The following RUNX3 variants were observed in gnomAD, a reference collection of about 807,000 sequenced individuals.
RUNX3 encodes the protein runt-related transcription factor 3.
Under a neutral mutation model 27.7 loss-of-function variants are expected in RUNX3, and 10 were observed. The ratio of observed to expected loss-of-function variants is 0.36; its 90% CI spans 0.22 to 0.61. The LOEUF is 0.61. RUNX3 is among the 20% of genes least tolerant of loss of function. The pLI is 0.72. For synonymous variants in RUNX3, 270 were observed against 269.2 expected, an observed-to-expected ratio of 1.00 and a Z score of -0.03; for missense variants, 469 against 629.5, an observed-to-expected ratio of 0.75 and a Z score of 2.73.
intron 2 of RUNX3, among the ~76,000 whole-genome samples, chr1:24,958,515 T>G (rs1642009627): frequency 6.6e-6 from 1 of 152,152 alleles, no homozygotes; most frequent in South Asian, 2.1e-4. Flanking sequence ...TCCTTGTTCT[T>G]GTGACTTCTC....
At chr1:24,955,071 C>T (rs1038893710) in intron 2 of RUNX3, among the ~76,000 whole-genome samples, 9 of 152,184 alleles carry the variant, frequency 5.9e-5, no homozygotes, top group Non-Finnish European at 1.2e-4. Flanking sequence ...GATCCTTCTT[C>T]CATACCTTTG....
At chr1:24,903,798 C>T (rs1302016011) in intron 4 of RUNX3, among the ~76,000 whole-genome samples, 7 of 152,190 alleles carry the variant, frequency 4.6e-5, no homozygotes, top group South Asian at 2.1e-4. Context: ...CTTCTGGAGC[C>T]GGACAGTTAT....
upstream of RUNX3, among the ~76,000 whole-genome samples, chr1:24,932,735 G>A (rs1309848758): frequency 1.3e-5 from 2 of 152,152 alleles, no homozygotes; most frequent in Non-Finnish European, 2.9e-5. Context: ...TCTGTTTGAT[G>A]GGAGGGAGAA....
chr1:24,902,514 C>A lies in RUNX3; in HGVS notation c.856G>T (p.Gly286Cys), dbSNP rs1287819421. ...ACGCTGAGGCTGCTGATGCTCGTGC[C>A]CGAGGGCGTGGCGCTGTAGGGGAAG... ...AAFPYSATPSGTSISSLSVAG... is the reference protein window; with the variant it reads ...AAFPYSATPSCTSISSLSVAG... The change falls in exon 5 of 5, where the codon GGC becomes TGC. Residue 286 changes from glycine to cysteine, a missense_variant. Coordinates refer to ENST00000308873, the MANE Select transcript of RUNX3 (RefSeq NM_004350.3). This position sits in a 1 kb window ranked among gnomAD's most constrained non-coding sequence, Gnocchi z 9.2. 2.5e-6 allele frequency: 4 copies of A among 1,598,010 alleles called. No individual in the cohort carries two copies. In the East Asian group the frequency reaches 9.0e-5, roughly 36 times the overall value.
chr1:24,902,235 G>A lies in RUNX3; in HGVS notation c.1135C>T (p.Pro379Ser), dbSNP rs781120958. Residue 379 changes from proline to serine, a missense_variant, in exon 5 of 5, where the codon CCC becomes TCC. Physicochemically the swap from Pro to Ser is moderately conservative, Grantham distance 74 (BLOSUM62 -1). Coordinates refer to ENST00000308873, the MANE Select transcript of RUNX3 (RefSeq NM_004350.3). This position sits in a 1 kb window ranked among gnomAD's most constrained non-coding sequence, Gnocchi z 9.2. The part of the protein sequence containing the change: ...ASVAAGNLMN[P>S]SLGGQSDGVE... ...CCATCACTCTGGCCGCCCAGGCTGG[G>A]GTTCATGAGGTTGCCGGCGGCGACA... is the stretch of plus-strand genomic sequence containing the variant. 1 of 1,578,104 alleles carries A rather than the reference G, an allele frequency of 6.3e-7. No individual in the cohort carries two copies. The highest frequency in any genetic ancestry group is 8.6e-7 in the Non-Finnish European group (1 of 1,163,914).
At chr1:24,938,327 G>A (rs1459975968) in intron 2 of RUNX3, among the ~76,000 whole-genome samples, 1 of 152,144 alleles carries the variant, frequency 6.6e-6, no homozygotes, top group African/African-American at 2.4e-5. Flanking sequence ...TCTACAACAG[G>A]TCTGTTCATT....
intron 2 of RUNX3, among the ~76,000 whole-genome samples, chr1:24,963,431 A>AC (rs1176865730): frequency 1.3e-5 from 2 of 152,088 alleles, no homozygotes; most frequent in Non-Finnish European, 2.9e-5. Flanking sequence ...CCAGCCCCCA[A>AC]CCCTGAAGTT....
upstream of RUNX3, among the ~76,000 whole-genome samples, chr1:24,932,165 C>T (rs1310912846): frequency 2.0e-5 from 3 of 152,218 alleles, no homozygotes; most frequent in Admixed American, 6.5e-5. Flanking sequence ...TGTTCCTCCG[C>T]CTGATTTCTC....
At chr1:24,935,497 C>T (rs1296551847) in intron 2 of RUNX3, among the ~76,000 whole-genome samples, 1 of 152,170 alleles carries the variant, frequency 6.6e-6, no homozygotes. Flanking sequence ...GGGTGCTCTG[C>T]TTTGAGGATG....
chr1:24,900,471 C>G lies in RUNX3; in HGVS notation c.*1651G>C, dbSNP rs532849963. The G allele has an allele frequency of 1.3e-5, 2 of 152,522 alleles. No individual in the cohort carries two copies. The highest frequency in any genetic ancestry group is 1.3e-4 in the Admixed American group (2 of 15,310). The allele number at this position is 152,522 out of a possible 1,614,324, so 9.4% of individuals were successfully genotyped here. A position where few individuals can be genotyped will look rare whatever the true frequency, so the allele number is the denominator to read the frequency against. The stretch of plus-strand genomic sequence containing the variant: ...CTAGCCTTTATGAGTTCCCTTACGC[C>G]TTTTCTAAGCCTTTCTAGGGCCAGA... On this transcript the variant is annotated 3_prime_UTR_variant, in exon 5 of 5. Coordinates refer to ENST00000308873, the MANE Select transcript of RUNX3 (RefSeq NM_004350.3).
At chr1:24,940,107 A>G (rs1257094743) in intron 2 of RUNX3, among the ~76,000 whole-genome samples, 1 of 152,146 alleles carries the variant, frequency 6.6e-6, no homozygotes, top group Non-Finnish European at 1.5e-5. Flanking sequence ...ATCTATGAAG[A>G]GCTCCCAGGT....
Position 24,901,913 on chromosome 1 carries a change from G to A in RUNX3, c.*209C>T. ...ATCTGGGCCGGGGGCAGTATCCCGG[G>A]CCGGGGTGGGGGTGGTAACCTATGC... On this transcript the variant is annotated 3_prime_UTR_variant, in exon 5 of 5. Coordinates refer to ENST00000308873, the MANE Select transcript of RUNX3 (RefSeq NM_004350.3). 1 of 533,270 alleles carries A rather than the reference G, an allele frequency of 1.9e-6. No homozygotes were observed. The highest frequency in any genetic ancestry group is 3.3e-6 in the Non-Finnish European group (1 of 303,430). 33.0% of individuals were successfully genotyped at this position (533,270 alleles called of 1,614,324 possible).
At chr1:24,905,619 T>G (rs935388777) in intron 4 of RUNX3, among the ~76,000 whole-genome samples, 1 of 152,310 alleles carries the variant, frequency 6.6e-6, no homozygotes, top group African/African-American at 2.4e-5. Flanking sequence ...GGCCAGGCAT[T>G]GATTCCCAAG....
At chr1:24,953,594 A>G (rs1012075559) in intron 2 of RUNX3, among the ~76,000 whole-genome samples, 5 of 152,228 alleles carry the variant, frequency 3.3e-5, no homozygotes, top group East Asian at 1.9e-4. Context: ...GTTGGGCAGC[A>G]CAGACATGGG....
At chr1:24,913,798 G>A (rs1640837627) in intron 3 of RUNX3, among the ~76,000 whole-genome samples, 2 of 152,138 alleles carry the variant, frequency 1.3e-5, no homozygotes, top group Admixed American at 1.3e-4. Context: ...TCCTACCCCC[G>A]CCAGGTACCT....
At chr1:24,940,256 TG>T (rs1314426134) in intron 2 of RUNX3, among the ~76,000 whole-genome samples, 4 of 152,228 alleles carry the variant, frequency 2.6e-5, no homozygotes, top group Non-Finnish European at 5.9e-5. Flanking sequence ...GAGTGTTAGA[TG>T]GGGCAGGGGC....
At chr1:24,928,864 C>A in intron 1 of RUNX3, 1 of 362,474 alleles carries the variant, frequency 2.8e-6, no homozygotes. Flanking sequence ...CCTGCCCTGC[C>A]CTTTTCTCAC....
chr1:24,919,598 C>T (rs1319939792), intron 2 of RUNX3, among the ~76,000 whole-genome samples: 1 of 152,146 alleles, frequency 6.6e-6, no homozygotes, highest in Non-Finnish European at 1.5e-5. Flanking sequence ...CTCATGTTCC[C>T]CTCTTCTTGG....
At chr1:24,935,684 A>G (rs954306333) in intron 2 of RUNX3, among the ~76,000 whole-genome samples, 3 of 152,190 alleles carry the variant, frequency 2.0e-5, no homozygotes, top group Non-Finnish European at 2.9e-5. Context: ...TAAATCAGGG[A>G]AATACTTCTG....
Sources: gnomAD v4.1 joint callset for allele counts (sites outside exome capture counted in the v4.1 genomes callset) on GRCh38, gnomAD v4.1.1 for gene constraint, Gnocchi (gnomAD v3.1) non-coding constraint, MANE v1.5 for transcripts, NCBI Gene and HGNC (gene_info 2026-07-23, HGNC 2026-07-21) for gene names.